Variants in GABBR2 observed in about 807,000 individuals in gnomAD.
GABBR2 encodes the protein gamma-aminobutyric acid type B receptor subunit 2.
A neutral mutation model predicts 105.6 loss-of-function variants in GABBR2; 23 were observed. The observed-to-expected ratio is 0.22, with a 90% CI of 0.16 to 0.31. The LOEUF is 0.31. Ranked by LOEUF, GABBR2 falls within the 10% of genes least tolerant of loss-of-function variation. The pLI, the probability that GABBR2 is intolerant of heterozygous loss-of-function variation, is 1.00. For synonymous variants in GABBR2, 478 were observed against 499.7 expected (o/e 0.96, Z 0.58); for missense variants, 734 against 1,245.5 (o/e 0.59, Z 6.18).
At chr9:98,393,072 A>ATCCC in intron 9 of GABBR2, among the ~76,000 whole-genome samples, 1 of 143,784 alleles carries the variant, frequency 7.0e-6, no homozygotes, top group African/African-American at 2.6e-5. Flanking sequence ...CCATCCATCC[A>ATCCC]CACACCCACT....
chr9:98,363,360 C>T (rs1831621698), intron 12 of GABBR2, among the ~76,000 whole-genome samples: 1 of 152,128 alleles, frequency 6.6e-6, no homozygotes. Flanking sequence ...TCTGTGCCTG[C>T]CTCTAGGTTG....
chr9:98,708,903 C>A lies in GABBR2; in HGVS notation c.-166G>T. The A allele has an allele frequency of 4.0e-6, 1 of 248,776 alleles. No individual in the cohort carries two copies. 15.4% of individuals were successfully genotyped at this position (248,776 alleles called of 1,614,324 possible). ...GCTCGGCTCAGAACGGCCGCGGCGGCGGCGGCGGCAGCGGCGGCGCCCGTG... is the reference window on the plus strand; with the variant it reads ...GCTCGGCTCAGAACGGCCGCGGCGGAGGCGGCGGCAGCGGCGGCGCCCGTG... On this transcript the variant is annotated 5_prime_UTR_variant, in exon 1 of 19. Transcript: ENST00000259455.
At chr9:98,707,793 G>A (rs1308752338) in intron 1 of GABBR2, among the ~76,000 whole-genome samples, 4 of 152,246 alleles carry the variant, frequency 2.6e-5, no homozygotes, top group Non-Finnish European at 4.4e-5. Context: ...CTGGCCACAG[G>A]CAGCGCCGGG....
intron 3 of GABBR2, among the ~76,000 whole-genome samples, chr9:98,500,438 G>C (rs1827374997): frequency 6.6e-6 from 1 of 152,200 alleles, no homozygotes; most frequent in Non-Finnish European, 1.5e-5. Context: ...GAGGGCAGGA[G>C]ACACAGATTG....
chr9:98,376,967 C>T (rs1363835102), intron 11 of GABBR2, among the ~76,000 whole-genome samples: 1 of 152,178 alleles, frequency 6.6e-6, no homozygotes, highest in Non-Finnish European at 1.5e-5. Context: ...CCTCAAGGCC[C>T]TTGAAGCCAA....
At chr9:98,635,418 A>C (rs935437452) in intron 1 of GABBR2, among the ~76,000 whole-genome samples, 1 of 152,156 alleles carries the variant, frequency 6.6e-6, no homozygotes, top group African/African-American at 2.4e-5. Flanking sequence ...GGTGGGGGAC[A>C]CTCAGAGGGC....
At chr9:98,582,455 T>G (rs906999895) in intron 1 of GABBR2, among the ~76,000 whole-genome samples, 3 of 152,160 alleles carry the variant, frequency 2.0e-5, no homozygotes, top group Non-Finnish European at 4.4e-5. Flanking sequence ...CACTTTGATT[T>G]TGGTCATATG....
intron 1 of GABBR2, among the ~76,000 whole-genome samples, chr9:98,591,161 C>A (rs1260085318): frequency 6.6e-6 from 1 of 152,188 alleles, no homozygotes; most frequent in Non-Finnish European, 1.5e-5. Context: ...TCTGCCAAGA[C>A]TTCTTGGAGG....
chr9:98,325,881 C>T (rs1307946309), intron 13 of GABBR2, among the ~76,000 whole-genome samples: 2 of 152,228 alleles, frequency 1.3e-5, no homozygotes, highest in African/African-American at 2.4e-5. Flanking sequence ...AGCACAAACA[C>T]ACACCTCTTT....
intron 2 of GABBR2, among the ~76,000 whole-genome samples, chr9:98,575,546 T>A (rs1828895480): frequency 6.6e-6 from 1 of 152,118 alleles, no homozygotes; most frequent in African/African-American, 2.4e-5. Context: ...CTACCTTGAT[T>A]ATGCAGATGA....
At chr9:98,319,914 T>C (rs1036869754) in intron 13 of GABBR2, among the ~76,000 whole-genome samples, 4 of 152,242 alleles carry the variant, frequency 2.6e-5, no homozygotes, top group Admixed American at 2.6e-4. Flanking sequence ...GACATAGGCA[T>C]GGGCAAGGAC....
chr9:98,532,640 A>G (rs745908827), intron 3 of GABBR2, among the ~76,000 whole-genome samples: 21 of 152,128 alleles, frequency 1.4e-4, no homozygotes, highest in Non-Finnish European at 2.8e-4. Flanking sequence ...CCATTCCTTC[A>G]GTGCAGTGGT....
In GABBR2 at chr9:98,604,587, T is replaced by G. The variant is rs373633690; in HGVS notation, c.322-26515A>C. Reference sequence around the variant, plus strand: ...CCAACACCTGCATAAATTGGAACACTCACTGGAAGATTGGTCCTTACATAT... The same window carrying G: ...CCAACACCTGCATAAATTGGAACACGCACTGGAAGATTGGTCCTTACATAT... On this transcript the variant is annotated intron_variant, in intron 1 of 18. Transcript: ENST00000259455. Among the ~76,000 whole-genome samples the G allele has an allele frequency of 4.8e-4, 73 of 152,312 alleles. 4 individuals are homozygous for G. In the South Asian group the frequency reaches 0.015, roughly 32 times the overall value.
intron 13 of GABBR2, among the ~76,000 whole-genome samples, chr9:98,348,129 G>A (rs979077543): frequency 9.9e-5 from 15 of 152,026 alleles, no homozygotes; most frequent in Non-Finnish European, 2.2e-4. Context: ...CTAATACAGG[G>A]GTCTAGTTTC....
intron 11 of GABBR2, chr9:98,375,416 G>C (rs1831855045): frequency 6.6e-6 from 1 of 152,118 alleles, no homozygotes; most frequent in Non-Finnish European, 1.5e-5. Flanking sequence ...TGGTCACACA[G>C]AGATGACATC....
intron 13 of GABBR2, among the ~76,000 whole-genome samples, chr9:98,321,966 C>T (rs1315359761): frequency 6.6e-6 from 1 of 152,126 alleles, no homozygotes; most frequent in Non-Finnish European, 1.5e-5. Flanking sequence ...CTCTTGGTCC[C>T]CTCTTTCTTC....
chr9:98,690,072 T>C (rs1830666216), intron 1 of GABBR2, among the ~76,000 whole-genome samples: 1 of 152,232 alleles, frequency 6.6e-6, no homozygotes, highest in Non-Finnish European at 1.5e-5. Context: ...GCAGCTTCCA[T>C]GATTTCCTCC....
At chr9:98,624,399 G>A (rs1053697707) in intron 1 of GABBR2, among the ~76,000 whole-genome samples, 3 of 152,212 alleles carry the variant, frequency 2.0e-5, no homozygotes, top group East Asian at 1.9e-4. Context: ...TCTCACCCCC[G>A]TTCCATGAGA....
intron 6 of GABBR2, among the ~76,000 whole-genome samples, chr9:98,465,734 A>C (rs2131620145): frequency 6.6e-6 from 1 of 152,376 alleles, no homozygotes; most frequent in South Asian, 2.1e-4. Context: ...TGCCTCACCC[A>C]TGCCCTGATG....
Sources: gnomAD v4.1 joint callset for allele counts (sites outside exome capture counted in the v4.1 genomes callset) on GRCh38, gnomAD v4.1.1 for gene constraint, MANE v1.5 for transcripts, NCBI Gene and HGNC (gene_info 2026-07-23, HGNC 2026-07-21) for gene names.